TMEM132E: variants seen among roughly 807,000 people sequenced by gnomAD.
The protein encoded by TMEM132E is transmembrane protein 132E.
In TMEM132E, 49 loss-of-function variants were observed where a neutral mutation model predicts 78.5. That is an observed-to-expected ratio of 0.62 (90% confidence interval 0.50 to 0.79). TMEM132E has a LOEUF of 0.79. Ranked by LOEUF, TMEM132E falls within the 30% of genes least tolerant of loss-of-function variation. TMEM132E has a pLI of 0.00. For synonymous variants in TMEM132E, 715 were observed against 670.6 expected, an observed-to-expected ratio of 1.07 and a Z score of -1.02; for missense variants, 1,403 against 1,470.9, an observed-to-expected ratio of 0.95 and a Z score of 0.75.
At position 34,632,643 on chromosome 17, in the gene TMEM132E, C is replaced by T. The variant is rs113240415; in HGVS notation, c.1483-61C>T. ...CCCTGGTTGTCAGACTGAAGTCCTC[C>T]GCACTGCCTCACAGGAAGACCTGTA... On this transcript the variant is annotated intron_variant, in intron 5 of 8. Transcript: ENST00000631683. 1.0e-3 allele frequency: 1,641 copies of T among 1,585,718 alleles called. 20 individuals carry two copies. The African/African-American group carries it at 0.019, about 19-fold the overall frequency.
intron 8 of TMEM132E, 62 bp downstream of exon 8, chr17:34,636,260 T>G: frequency 1.5e-6 from 2 of 1,373,398 alleles, no homozygotes; most frequent in Non-Finnish European, 1.9e-6. Flanking sequence ...ACTTGGGGGC[T>G]CTGCTTTGCC....
At position 34,638,314 on chromosome 17, in the gene TMEM132E, C is replaced by T; in HGVS notation, c.*82C>T. The T allele has an allele frequency of 7.3e-7, 1 of 1,361,922 alleles. No homozygotes were observed. The highest frequency in any genetic ancestry group is 1.5e-5 in the South Asian group (1 of 65,970). 84.4% of individuals were successfully genotyped at this position (1,361,922 alleles called of 1,614,324 possible). On this transcript the variant is annotated 3_prime_UTR_variant, in exon 9 of 9. Coordinates refer to ENST00000631683, the MANE Select transcript of TMEM132E (RefSeq NM_001304438.2). The stretch of plus-strand genomic sequence containing the variant: ...GACACAGCCGGGACCCCGGTTCACA[C>T]TGACTCTGGGCGGCTGAATTGATTT...
At position 34,611,410 on chromosome 17, in the gene TMEM132E, C is replaced by T. The variant is rs58471679; in HGVS notation, c.68-14717C>T. ...TGAGACCTTGGGTGGGCTTTTTCTC[C>T]TCTCTGGACCTTAGTCTTTTCTGGA... On this transcript the variant is annotated intron_variant, in intron 1 of 8. Transcript: ENST00000631683. Among the ~76,000 whole-genome samples the T allele has an allele frequency of 5.8e-4, 88 of 152,346 alleles. 1 individual carries two copies. Among genetic ancestry groups the T allele is most frequent in the African/African-American group, 1.9e-3 (81 of 41,584 alleles).
chr17:34,585,514 C>T (rs1189840909), intron 1 of TMEM132E, among the ~76,000 whole-genome samples: 1 of 152,208 alleles, frequency 6.6e-6, no homozygotes, highest in Non-Finnish European at 1.5e-5. Flanking sequence ...AGAGGAACCA[C>T]CAAATCCAAC....
intron 1 of TMEM132E, among the ~76,000 whole-genome samples, chr17:34,590,187 T>G (rs541540921): frequency 1.3e-5 from 2 of 152,320 alleles, no homozygotes; most frequent in South Asian, 4.1e-4. Flanking sequence ...ACTAGCTAGT[T>G]ATTTCAATGG....
intron 1 of TMEM132E, among the ~76,000 whole-genome samples, chr17:34,609,224 C>T (rs961133256): frequency 6.6e-6 from 1 of 152,160 alleles, no homozygotes; most frequent in Non-Finnish European, 1.5e-5. Flanking sequence ...GAGAAGCCTC[C>T]GGCTGCCCTG....
chr17:34,589,463 A>G (rs1338857497), intron 1 of TMEM132E, among the ~76,000 whole-genome samples: 4 of 152,158 alleles, frequency 2.6e-5, no homozygotes, highest in Admixed American at 2.6e-4. Context: ...AGTGTATTTC[A>G]CAGATTTGGA....
At position 34,638,840 on chromosome 17, in the gene TMEM132E, A is replaced by T. The variant is rs975578397; in HGVS notation, c.*608A>T. The stretch of plus-strand genomic sequence containing the variant: ...CTCCCAGGACCTGGGAGCTGACTCT[A>T]CAGAGAGGTCTGGTGCCAAGCCAGG... On this transcript the variant is annotated 3_prime_UTR_variant, in exon 9 of 9. Coordinates refer to ENST00000631683, the MANE Select transcript of TMEM132E (RefSeq NM_001304438.2). 1.7e-4 allele frequency: 26 copies of T among 152,032 alleles called. No individual in the cohort carries two copies. Among genetic ancestry groups the T allele is most frequent in the African/African-American group, 6.4e-4 (26 of 40,870 alleles). 9.4% of individuals were successfully genotyped at this position (152,032 alleles called of 1,614,324 possible). A position where few individuals can be genotyped will look rare whatever the true frequency, so the allele number is the denominator to read the frequency against.
chr17:34,636,099 G>A lies in TMEM132E; in HGVS notation c.2070G>A (p.Val690=). 1 of 1,595,268 alleles carries A rather than the reference G, an allele frequency of 6.3e-7. No homozygotes were observed. Among genetic ancestry groups the A allele is most frequent in the Non-Finnish European group, 8.5e-7 (1 of 1,171,990 alleles). ...KVSITQLQAQ[V]VASLALSLRP... is the part of the protein sequence containing the mutation. ...GCATCACACAGCTTCAGGCCCAGGTGGTGGCCAGCCTGGCCCTCTCCCTGC... is the reference window on the plus strand; with the variant it reads ...GCATCACACAGCTTCAGGCCCAGGTAGTGGCCAGCCTGGCCCTCTCCCTGC... Residue 690 remains valine, a synonymous_variant, in exon 8 of 9, where the codon GTG becomes GTA. Transcript: ENST00000631683.
rs1905410818 is a variant in TMEM132E, at chr17:34,580,098, G to A, written c.-979G>A. 1 of 152,570 alleles carries A rather than the reference G, an allele frequency of 6.6e-6. No individual in the cohort carries two copies. The highest frequency in any genetic ancestry group is 1.5e-5 in the Non-Finnish European group (1 of 68,302). The allele number at this position is 152,570 out of a possible 1,614,324, so 9.5% of individuals were successfully genotyped here. ...GCCGAGACAGCGAGACCTTAGCGGG[G>A]TGGCCCGGAGCTGCCGTGAGCTGCA... On this transcript the variant is annotated 5_prime_UTR_variant, in exon 1 of 9. The change creates a new upstream start codon in the 5' untranslated region. Transcript: ENST00000631683.
chr17:34,624,121 T>C (rs965813853), intron 1 of TMEM132E, among the ~76,000 whole-genome samples: 2 of 152,254 alleles, frequency 1.3e-5, no homozygotes, highest in Non-Finnish European at 2.9e-5. Context: ...CCTTATTTTT[T>C]GAACAAGGAA....
chr17:34,596,058 A>ACC, intron 1 of TMEM132E, among the ~76,000 whole-genome samples: 1 of 70,406 alleles, frequency 1.4e-5, no homozygotes, highest in South Asian at 4.3e-4. Flanking sequence ...ACACACACAC[A>ACC]CACACACACG....
intron 1 of TMEM132E, among the ~76,000 whole-genome samples, chr17:34,582,428 G>T (rs1398403340): frequency 6.6e-6 from 1 of 151,814 alleles, no homozygotes; most frequent in Non-Finnish European, 1.5e-5. Context: ...TCTCGGAATC[G>T]TAGGGTCCTG....
intron 1 of TMEM132E, among the ~76,000 whole-genome samples, chr17:34,586,140 G>A (rs1905669195): frequency 6.6e-6 from 1 of 151,978 alleles, no homozygotes; most frequent in African/African-American, 2.4e-5. Flanking sequence ...CCAAGCACAC[G>A]CCTCTCTCCC....
In TMEM132E at chr17:34,638,264, C is replaced by A. The variant is rs531401547; in HGVS notation, c.*32C>A. On this transcript the variant is annotated 3_prime_UTR_variant, in exon 9 of 9. Coordinates refer to ENST00000631683, the MANE Select transcript of TMEM132E (RefSeq NM_001304438.2). ...CAGCCGGAGTAGCAGGGACCCCCCC[C>A]CCCAACGGGGTCAGCTCGGGGTAGG... 277 of 1,473,366 alleles carry A rather than the reference C, an allele frequency of 1.9e-4. 1 individual carries two copies. The Middle Eastern group carries it at 4.2e-3, about 22-fold the overall frequency. The allele number at this position is 1,473,366 out of a possible 1,614,324, so 91.3% of individuals were successfully genotyped here.
intron 1 of TMEM132E, among the ~76,000 whole-genome samples, chr17:34,618,073 T>C (rs1381051294): frequency 1.3e-5 from 2 of 152,224 alleles, no homozygotes; most frequent in African/African-American, 4.8e-5. Context: ...ATTTTCCCAT[T>C]CAGGTAAATA....
intron 1 of TMEM132E, among the ~76,000 whole-genome samples, chr17:34,592,827 C>T (rs926769940): frequency 6.6e-6 from 1 of 152,160 alleles, no homozygotes; most frequent in Non-Finnish European, 1.5e-5. Context: ...CCCAGAGGGT[C>T]CCCCACCTCC....
chr17:34,602,401 G>T (rs554464422), intron 1 of TMEM132E, among the ~76,000 whole-genome samples: 1 of 152,194 alleles, frequency 6.6e-6, no homozygotes, highest in South Asian at 2.1e-4. Flanking sequence ...ACCCATCTCT[G>T]GGATCCCAGG....
chr17:34,632,812 A>G lies in TMEM132E; in HGVS notation c.1591A>G (p.Thr531Ala), dbSNP rs747429146. The change falls in exon 6 of 9, where the codon ACA becomes GCA. Residue 531 changes from threonine to alanine, a missense_variant. Physicochemically the swap from Thr to Ala is moderately conservative, Grantham distance 58. Around this residue, in one of 3 missense-constraint regions of TMEM132E, gnomAD observed 888 missense variants for 952.8 expected, o/e 0.93. Transcript: ENST00000631683. ...CGTCCTCAATGCTCCCCTGGAAATG[A>G]CAGTCTGGGTCCCCAAGCTGCCCTT... ...YDVLNAPLEMTVWVPKLPLHI... is the reference protein window; with the variant it reads ...YDVLNAPLEMAVWVPKLPLHI... 2.0e-4 allele frequency: 321 copies of G among 1,614,034 alleles called. No individual in the cohort carries two copies. Among genetic ancestry groups the G allele is most frequent in the Non-Finnish European group, 2.6e-4 (312 of 1,180,040 alleles).
Sources: gnomAD v4.1 joint callset for allele counts (sites outside exome capture counted in the v4.1 genomes callset) on GRCh38, gnomAD v4.1.1 for gene constraint, gnomAD v4.1.1 regional missense constraint, MANE v1.5 for transcripts, NCBI Gene and HGNC (gene_info 2026-07-23, HGNC 2026-07-21) for gene names.